The following STK36 variants were observed in gnomAD, a reference collection of about 807,000 sequenced individuals.
The protein encoded by STK36 is serine/threonine-protein kinase 36.
Under a neutral mutation model 142.2 loss-of-function variants are expected in STK36, and 116 were observed. The observed-to-expected ratio is 0.82, with a 90% confidence interval of 0.70 to 0.95. STK36 has a LOEUF of 0.95. STK36 is among the 40% of genes least tolerant of loss of function. The pLI, the probability that STK36 is intolerant of heterozygous loss-of-function variation, is 0.00. For missense variants in STK36, 1,422 were observed against 1,617.2 expected (o/e 0.88, Z 2.07); for synonymous variants, 619 against 641.7 (o/e 0.96, Z 0.53).
Position 218,679,680 on chromosome 2 carries a change from G to A in STK36, c.899G>A (p.Arg300His), listed in dbSNP as rs546742645. ...HRLAPKGNQS[R>H]ILTQAYKRMA... ...TTGGCCCCCAAGGGTAATCAGTCTCGCATCTTGACTCAGGCCTATAAACGC... is the reference window on the plus strand; with the variant it reads ...TTGGCCCCCAAGGGTAATCAGTCTCACATCTTGACTCAGGCCTATAAACGC... Residue 300 changes from arginine (R) to histidine (H), a missense_variant, in exon 8 of 27, where the codon CGC becomes CAC. By Grantham distance (29) the Arg-to-His change is conservative. Around this residue, in one of 2 missense-constraint regions of STK36, gnomAD observed 460 missense variants for 449.6 expected, o/e 1.02. Coordinates refer to ENST00000295709, the MANE Select transcript of STK36 (RefSeq NM_015690.5). 11 of 1,614,178 alleles carry A rather than the reference G, an allele frequency of 6.8e-6. No homozygotes were observed. The highest frequency in any genetic ancestry group is 2.2e-5 in the East Asian group (1 of 44,870).
At chr2:218,675,901 C>A in intron 5 of STK36, 128 bp from the exon 6 acceptor site, 3 of 1,212,498 alleles carry the variant, frequency 2.5e-6, no homozygotes, top group Non-Finnish European at 3.5e-6. Context: ...GGGACTGCTG[C>A]TGGGTCTTCT....
Position 218,679,211 on chromosome 2 carries a change from T to C in STK36, c.728T>C (p.Leu243Pro), listed in dbSNP as rs1278525198. The C allele has an allele frequency of 4.3e-6, 7 of 1,614,222 alleles. No individual in the cohort carries two copies. Among genetic ancestry groups the C allele is most frequent in the Non-Finnish European group, 5.1e-6 (6 of 1,180,026 alleles). The change falls in exon 7 of 27, where the codon CTG (leucine) becomes CCG (proline). Residue 243 changes from leucine (L) to proline (P), a missense_variant. By Grantham distance (98) the Leu-to-Pro change is moderately conservative. Coordinates refer to ENST00000295709, the MANE Select transcript of STK36 (RefSeq NM_015690.5). ...CTCACCAAAGACCCACGGCAGCGAC[T>C]GTCCTGGCCAGACCTCTTATATCAC... is the stretch of plus-strand genomic sequence containing the variant. ...GLLTKDPRQRLSWPDLLYHPF... is the reference protein window; with the variant it reads ...GLLTKDPRQRPSWPDLLYHPF...
chr2:218,672,163 C>G lies in STK36; in HGVS notation c.-142C>G, dbSNP rs764420977. ...TGTGTGGTCCGCCGTCCATTCCACA[C>G]CTCTGAGCGCCTTTGTCCTCTGAAC... On this transcript the variant is annotated 5_prime_UTR_variant, in exon 1 of 27. Transcript: ENST00000295709. 1 of 629,366 alleles carries G rather than the reference C, an allele frequency of 1.6e-6. No homozygotes were observed. The highest frequency in any genetic ancestry group is 2.8e-6 in the Non-Finnish European group (1 of 357,190). The allele number at this position is 629,366 out of a possible 1,614,324, so 39.0% of individuals were successfully genotyped here.
At position 218,697,995 on chromosome 2, in the gene STK36, G is replaced by T; in HGVS notation, c.3051G>T (p.Leu1017=). 1.2e-6 allele frequency: 2 copies of T among 1,614,148 alleles called. No individual in the cohort carries two copies. The highest frequency in any genetic ancestry group is 1.7e-6 in the Non-Finnish European group (2 of 1,180,032). ...GGGACTCAGAAGTTGCAGCCCATCTGCTGCAGGTACTTGGGCAGCTAGCAT... is the reference window on the plus strand; with the variant it reads ...GGGACTCAGAAGTTGCAGCCCATCTTCTGCAGGTACTTGGGCAGCTAGCAT... The part of the protein sequence containing the change: ...DLRDSEVAAH[L]LQVCCYHLPL... Residue 1017 remains leucine, a synonymous_variant, in exon 25 of 27, where the codon CTG becomes CTT. Coordinates refer to ENST00000295709, the MANE Select transcript of STK36 (RefSeq NM_015690.5).
intron 13 of STK36, 119 bp downstream of exon 13, chr2:218,690,075 G>A (rs1940936881): frequency 3.0e-6 from 3 of 999,828 alleles, no homozygotes; most frequent in Admixed American, 2.1e-5. Context: ...ACAGGTTTAG[G>A]AATCAGCTGA....
intron 5 of STK36, 49 bp downstream of exon 5, chr2:218,675,522 T>C: frequency 1.6e-6 from 1 of 621,934 alleles, no homozygotes; most frequent in African/African-American, 5.0e-5. Context: ...CACGGAATCT[T>C]TTTTTTTTTT....
In STK36 at chr2:218,694,175, G is replaced by C; in HGVS notation, c.2337-89G>C. ...GCCTTGGAGGTAGACATGCAGCCTA[G>C]GTGAAGAACACCATGCAAGGGAGAG... On this transcript the variant is annotated intron_variant, in intron 19 of 26. Coordinates refer to ENST00000295709, the MANE Select transcript of STK36 (RefSeq NM_015690.5). The surrounding 1 kb of genome is among the most constrained non-coding windows in gnomAD (Gnocchi z 4.4). 8.0e-7 allele frequency: 1 copy of C among 1,254,238 alleles called. No individual in the cohort carries two copies. Among genetic ancestry groups the C allele is most frequent in the Non-Finnish European group, 1.2e-6 (1 of 855,150 alleles). 77.7% of individuals were successfully genotyped at this position (1,254,238 alleles called of 1,614,324 possible).
chr2:218,680,755 T>C, intron 10 of STK36, 53 bp downstream of exon 10: 1 of 1,493,400 alleles, frequency 6.7e-7, no homozygotes. Flanking sequence ...ATGTTAAGTC[T>C]AGGTAGATGT....
In STK36 at chr2:218,694,167, G is replaced by A. The variant is rs1941127325; in HGVS notation, c.2337-97G>A. Reference sequence around the variant, plus strand: ...AACTTTGTGCCTTGGAGGTAGACATGCAGCCTAGGTGAAGAACACCATGCA... The same window carrying A: ...AACTTTGTGCCTTGGAGGTAGACATACAGCCTAGGTGAAGAACACCATGCA... On this transcript the variant is annotated intron_variant, in intron 19 of 26. Coordinates refer to ENST00000295709, the MANE Select transcript of STK36 (RefSeq NM_015690.5). The surrounding 1 kb of genome is among the most constrained non-coding windows in gnomAD (Gnocchi z 4.4). 9.7e-6 allele frequency: 12 copies of A among 1,233,156 alleles called. No individual in the cohort carries two copies. In the East Asian group the frequency reaches 2.8e-4, roughly 29 times the overall value. 76.4% of individuals were successfully genotyped at this position (1,233,156 alleles called of 1,614,324 possible).
At chr2:218,673,193 G>A in intron 2 of STK36, 1 of 414,638 alleles carries the variant, frequency 2.4e-6, no homozygotes. Context: ...GATTGATGGA[G>A]TTTGAGGATT....
intron 12 of STK36, among the ~76,000 whole-genome samples, chr2:218,689,551 C>T (rs1379546742): frequency 1.3e-5 from 2 of 152,170 alleles, no homozygotes; most frequent in Admixed American, 1.3e-4. Context: ...TGGAAAGCTG[C>T]ACTTTGTTGA....
Position 218,676,099 on chromosome 2 carries a change from C to T in STK36, c.505C>T (p.Pro169Ser). The change falls in exon 6 of 27, where the codon CCA (proline) becomes TCA (serine). Residue 169 changes from proline to serine, a missense_variant. Physicochemically the swap from Pro to Ser is moderately conservative, Grantham distance 74 (BLOSUM62 -1). Transcript: ENST00000295709. ...SIKGTPLYMS[P>S]ELVEERPYDH... ...CAAAGGCACACCACTCTATATGTCT[C>T]CAGAGCTGGTGGAGGAGCGACCATA... The T allele has an allele frequency of 6.2e-7, 1 of 1,614,148 alleles. No individual in the cohort carries two copies. Among genetic ancestry groups the T allele is most frequent in the Non-Finnish European group, 8.5e-7 (1 of 1,180,038 alleles).
At chr2:218,674,737 G>T (rs959952964) in intron 4 of STK36, among the ~76,000 whole-genome samples, 36 of 152,204 alleles carry the variant, frequency 2.4e-4, no homozygotes, top group African/African-American at 8.7e-4. Flanking sequence ...CAGTAACCAG[G>T]ATTATAGCAT....
intron 26 of STK36, among the ~76,000 whole-genome samples, chr2:218,701,321 T>C (rs1260452412): frequency 1.1e-4 from 17 of 150,442 alleles, no homozygotes; most frequent in African/African-American, 4.2e-4. Context: ...TTTTTTTTTT[T>C]AGTAGAGACG....
chr2:218,680,513 C>G, intron 9 of STK36, 90 bp from the exon 10 acceptor site: 1 of 1,087,864 alleles, frequency 9.2e-7, no homozygotes, highest in Non-Finnish European at 1.4e-6. Context: ...CTTTCTCATT[C>G]TTATCCTGGG....
chr2:218,689,579 T>C (rs1374997395), intron 12 of STK36, among the ~76,000 whole-genome samples: 1 of 152,178 alleles, frequency 6.6e-6, no homozygotes, highest in Admixed American at 6.5e-5. Context: ...TAATCTTGGG[T>C]GATTTTAAGG....
intron 21 of STK36, among the ~76,000 whole-genome samples, chr2:218,695,887 T>A (rs1253521571): frequency 7.5e-6 from 1 of 133,538 alleles, no homozygotes; most frequent in Non-Finnish European, 1.6e-5. Context: ...TTTTTTGAGA[T>A]GCAGTCTCAC....
chr2:218,679,604 A>G lies in STK36; in HGVS notation c.823A>G (p.Ser275Gly), dbSNP rs1940412021. 1.2e-6 allele frequency: 2 copies of G among 1,614,012 alleles called. No individual in the cohort carries two copies. The highest frequency in any genetic ancestry group is 1.3e-5 in the African/African-American group (1 of 74,928). The stretch of plus-strand genomic sequence containing the variant: ...CCCAGATTTGGGGACCCCATTCACC[A>G]GCCGCCTACCCCCAGAACTTCAGGT... ...AGPDLGTPFTSRLPPELQVLK... is the reference protein window; with the variant it reads ...AGPDLGTPFTGRLPPELQVLK... Residue 275 changes from serine (S) to glycine (G), a missense_variant, in exon 8 of 27, where the codon AGC becomes GGC. By Grantham distance (56) the Ser-to-Gly change is moderately conservative (BLOSUM62 0). Transcript: ENST00000295709.
chr2:218,683,580 A>AT (rs1419569772), intron 10 of STK36, among the ~76,000 whole-genome samples: 1 of 151,702 alleles, frequency 6.6e-6, no homozygotes, highest in African/African-American at 2.4e-5. Flanking sequence ...GCCTATTTTT[A>AT]TTTATTTATT....
Sources: gnomAD v4.1 joint callset for allele counts (sites outside exome capture counted in the v4.1 genomes callset) on GRCh38, gnomAD v4.1.1 for gene constraint, gnomAD v4.1.1 regional missense constraint, Gnocchi (gnomAD v3.1) non-coding constraint, MANE v1.5 for transcripts, NCBI Gene and HGNC (gene_info 2026-07-23, HGNC 2026-07-21) for gene names.